Variants in AMZ2 observed in about 807,000 individuals in gnomAD.
The protein encoded by AMZ2 is archaemetzincin-2.
In AMZ2, 26 loss-of-function variants were observed where a neutral mutation model predicts 36.7. The observed-to-expected ratio is 0.71, with a 90% CI of 0.52 to 0.98. AMZ2 has a LOEUF of 0.98. AMZ2 is among the 50% of genes least tolerant of loss of function. AMZ2 has a pLI of 0.00. For missense variants in AMZ2, 394 were observed against 430.5 expected (o/e 0.92, Z 0.75); for synonymous variants, 144 against 149.1 (o/e 0.97, Z 0.25).
chr17:68,209,570 A>C (rs1347666978), intron 1 of AMZ2, among the ~76,000 whole-genome samples: 2 of 147,418 alleles, frequency 1.4e-5, no homozygotes, highest in Admixed American at 6.8e-5. Context: ...TTATAGAAGA[A>C]AATAATTGTG....
intron 1 of AMZ2, among the ~76,000 whole-genome samples, chr17:68,237,473 T>C (rs1209832221): frequency 2.6e-5 from 4 of 152,244 alleles, no homozygotes; most frequent in Admixed American, 2.6e-4. Context: ...CGCTCTCTTT[T>C]CAGTTCCTCC....
chr17:68,210,484 T>C (rs1248978500), intron 1 of AMZ2, among the ~76,000 whole-genome samples: 3 of 152,204 alleles, frequency 2.0e-5, no homozygotes, highest in East Asian at 1.9e-4. Flanking sequence ...AGTGTTCAAA[T>C]TGGTAAAGAC....
chr17:68,229,544 C>G (rs1384995058), intron 1 of AMZ2, among the ~76,000 whole-genome samples: 2 of 152,204 alleles, frequency 1.3e-5, no homozygotes, highest in African/African-American at 4.8e-5. Flanking sequence ...GGCTACATAA[C>G]AGACTACCCA....
intron 1 of AMZ2, among the ~76,000 whole-genome samples, chr17:68,210,120 C>G (rs2072996517): frequency 6.6e-6 from 1 of 152,146 alleles, no homozygotes; most frequent in Non-Finnish European, 1.5e-5. Context: ...CTGGAAAATG[C>G]TTTGGCAGTT....
chr17:68,241,427 G>A (rs782477576), intron 1 of AMZ2, among the ~76,000 whole-genome samples: 6 of 152,056 alleles, frequency 3.9e-5, no homozygotes, highest in Non-Finnish European at 7.4e-5. Context: ...AATCACAAGA[G>A]GAATGATAGG....
At chr17:68,222,605 C>A (rs2073396150) in intron 1 of AMZ2, among the ~76,000 whole-genome samples, 1 of 152,188 alleles carries the variant, frequency 6.6e-6, no homozygotes, top group African/African-American at 2.4e-5. Context: ...TGTTTTCCTG[C>A]AACTAGACGG....
In AMZ2 at chr17:68,256,895, T is replaced by A; in HGVS notation, c.1009T>A (p.Leu337Ile). 1 of 1,614,172 alleles carries A rather than the reference T, an allele frequency of 6.2e-7. No homozygotes were observed. The highest frequency in any genetic ancestry group is 1.3e-5 in the African/African-American group (1 of 75,048). The change falls in exon 7 of 7, where the codon TTA becomes ATA. Residue 337 changes from leucine to isoleucine, a missense_variant. Leu to Ile is a conservative substitution (Grantham distance 5, BLOSUM62 2). Coordinates refer to ENST00000359904, the MANE Select transcript of AMZ2 (RefSeq NM_016627.5). ...PEHSHEDNGN[L>I]PKPVEAFKEW... The stretch of plus-strand genomic sequence containing the variant: ...ACACAGTCACGAGGATAATGGGAAT[T>A]TACCGAAACCCGTGGAAGCCTTTAA...
At chr17:68,231,726 GGT>G (rs1555731288) in intron 1 of AMZ2, among the ~76,000 whole-genome samples, 5 of 151,984 alleles carry the variant, frequency 3.3e-5, no homozygotes, top group Admixed American at 3.3e-4. Context: ...ACTGTGGATA[GGT>G]TACATGAGCA....
At chr17:68,252,527 A>G (rs575727831) in intron 4 of AMZ2, among the ~76,000 whole-genome samples, 10 of 152,270 alleles carry the variant, frequency 6.6e-5, no homozygotes, top group African/African-American at 2.4e-4. Context: ...CTTTTGAGAC[A>G]GAGTCTCCCT....
intron 1 of AMZ2, among the ~76,000 whole-genome samples, chr17:68,230,643 A>C (rs1432000443): frequency 6.6e-6 from 1 of 152,230 alleles, no homozygotes; most frequent in Non-Finnish European, 1.5e-5. Context: ...CCCTTTCAGA[A>C]TGGCTCACAC....
intron 1 of AMZ2, among the ~76,000 whole-genome samples, chr17:68,241,466 C>T (rs2073898827): frequency 6.6e-6 from 1 of 151,936 alleles, no homozygotes; most frequent in South Asian, 2.1e-4. Context: ...AGAGTTAAGT[C>T]CTCATTTCTC....
rs192095563 is a variant in AMZ2, at chr17:68,222,451, G to A, written c.-67+16213G>A. The stretch of plus-strand genomic sequence containing the variant: ...GTTTTGTGGAAGACAATTTTTCCAC[G>A]GACCGGGTGGGGATAGTGGATTTGG... On this transcript the variant is annotated intron_variant, in intron 1 of 7. Transcript: ENST00000674770. 6.6e-5 allele frequency among the ~76,000 whole-genome samples: 10 copies of A among 152,324 alleles called. No individual in the cohort carries two copies. In the East Asian group the frequency reaches 1.5e-3, roughly 23 times the overall value.
At position 68,257,046 on chromosome 17, in the gene AMZ2, G is replaced by A; in HGVS notation, c.*77G>A. The A allele has an allele frequency of 6.9e-7, 1 of 1,458,590 alleles. No individual in the cohort carries two copies. Among genetic ancestry groups the A allele is most frequent in the Non-Finnish European group, 9.4e-7 (1 of 1,065,662 alleles). 90.4% of individuals were successfully genotyped at this position (1,458,590 alleles called of 1,614,324 possible). A position where few individuals can be genotyped will look rare whatever the true frequency, so the allele number is the denominator to read the frequency against. ...TTCATTTGGGTGGAATACTTCATTG[G>A]AATAAACTACTGATCTTGTGCTGTG... On this transcript the variant is annotated 3_prime_UTR_variant, in exon 7 of 7. Transcript: ENST00000359904.
intron 1 of AMZ2, among the ~76,000 whole-genome samples, chr17:68,217,905 C>T (rs1295255501): frequency 4.0e-5 from 6 of 151,360 alleles, no homozygotes; most frequent in African/African-American, 7.3e-5. Flanking sequence ...CTCCACCTCC[C>T]GGGTTCACGC....
chr17:68,213,153 G>T (rs782461635), intron 1 of AMZ2, among the ~76,000 whole-genome samples: 1 of 152,120 alleles, frequency 6.6e-6, no homozygotes, highest in African/African-American at 2.4e-5. Context: ...TACGCCAGCC[G>T]GCTTACCTGG....
At chr17:68,223,187 A>G (rs1406706911) in intron 1 of AMZ2, among the ~76,000 whole-genome samples, 1 of 152,214 alleles carries the variant, frequency 6.6e-6, no homozygotes, top group Admixed American at 6.5e-5. Flanking sequence ...GAAACTTTCC[A>G]TCATAAAAAG....
At chr17:68,250,730 T>C (rs1555739002) in intron 2 of AMZ2, 64 bp from the exon 3 acceptor site, 3 of 1,417,184 alleles carry the variant, frequency 2.1e-6, no homozygotes, top group Non-Finnish European at 2.9e-6. Context: ...TTCTTACTCA[T>C]AGACTGGGTA....
At chr17:68,239,335 T>G (rs1246015139) in intron 1 of AMZ2, among the ~76,000 whole-genome samples, 1 of 152,206 alleles carries the variant, frequency 6.6e-6, no homozygotes, top group Non-Finnish European at 1.5e-5. Context: ...GAGGGGGGTC[T>G]GTGACCCCAA....
upstream of AMZ2, among the ~76,000 whole-genome samples, chr17:68,246,195 CAAAAAA>C (rs57477453): frequency 2.3e-4 from 19 of 83,828 alleles, no homozygotes; most frequent in South Asian, 3.9e-3. Flanking sequence ...ACTAAAAATA[CAAAAAA>C]AAAAAAAAAA....
Sources: allele counts gnomAD v4.1 joint callset (sites outside exome capture counted in the v4.1 genomes callset), GRCh38; gene constraint gnomAD v4.1.1; transcripts MANE v1.5; gene names NCBI Gene and HGNC (gene_info 2026-07-23, HGNC 2026-07-21).